The following NRG1 variants were observed in gnomAD, a reference collection of about 807,000 sequenced individuals.
NRG1 encodes the protein pro-neuregulin-1, membrane-bound isoform.
NRG1 carries 18 observed loss-of-function variants against 63.8 expected under a neutral mutation model. The ratio of observed to expected loss-of-function variants is 0.28; its 90% CI spans 0.19 to 0.42. The LOEUF (loss-of-function observed/expected upper bound fraction) is 0.42, where lower values mean the gene tolerates loss of function less well. Ranked by LOEUF, NRG1 falls within the 10% of genes least tolerant of loss-of-function variation. NRG1 has a pLI of 1.00. For missense variants in NRG1, 762 were observed against 814.7 expected, an observed-to-expected ratio of 0.94 and a Z score of 0.79; for synonymous variants, 302 against 301.3, an observed-to-expected ratio of 1.00 and a Z score of -0.02.
chr8:32,059,595 C>T (rs1033919148), intron 1 of NRG1, among the ~76,000 whole-genome samples: 7 of 152,064 alleles, frequency 4.6e-5, no homozygotes, highest in Non-Finnish European at 7.4e-5. Flanking sequence ...GTTTTCCTTT[C>T]GAAATTTGAA....
Position 32,698,470 on chromosome 8 carries a change from G to A in NRG1, c.503-29479G>A, listed in dbSNP as rs1045390913. ...AATGTGCCCACATTTCAGCGAGGGC[G>A]TTTTAAGACATAAGCACAGCATTAA... On this transcript the variant is annotated intron_variant, in intron 5 of 11. Transcript: ENST00000356819. 9.8e-5 allele frequency among the ~76,000 whole-genome samples: 15 copies of A among 152,308 alleles called. No individual in the cohort carries two copies. The East Asian group carries it at 1.2e-3, about 12-fold the overall frequency.
intron 1 of NRG1, among the ~76,000 whole-genome samples, chr8:32,157,915 C>G (rs1838321308): frequency 6.6e-6 from 1 of 152,018 alleles, no homozygotes; most frequent in South Asian, 2.1e-4. Context: ...GCTTCTTTCT[C>G]AAAGATTGAT....
At chr8:32,185,636 G>C (rs1423347268) in intron 1 of NRG1, among the ~76,000 whole-genome samples, 1 of 152,146 alleles carries the variant, frequency 6.6e-6, no homozygotes, top group Non-Finnish European at 1.5e-5. Flanking sequence ...GAATAATAGA[G>C]AGTGAAGCTG....
rs1805311904 is a variant in NRG1, at chr8:32,349,420, A to C, written c.38-246408A>C. Among the ~76,000 whole-genome samples, 4 of 152,184 alleles carry C rather than the reference A, an allele frequency of 2.6e-5. 1 individual carries two copies. In the South Asian group the frequency reaches 8.3e-4, roughly 32 times the overall value. On this transcript the variant is annotated intron_variant, in intron 1 of 10. Transcript: ENST00000519301. Reference sequence around the variant, plus strand: ...TGTTGTTTGGACAGACTGAAAAGAGAACAACCAATAGGAGAAGTGGTACAC... The same window carrying C: ...TGTTGTTTGGACAGACTGAAAAGAGCACAACCAATAGGAGAAGTGGTACAC...
chr8:32,552,260 G>C (rs899894036), intron 1 of NRG1, among the ~76,000 whole-genome samples: 5 of 146,098 alleles, frequency 3.4e-5, no homozygotes, highest in Non-Finnish European at 7.5e-5. Context: ...TTGACTCTAA[G>C]CTTCCTTTGT....
At chr8:31,904,830 T>C (rs1832389980) in intron 1 of NRG1, among the ~76,000 whole-genome samples, 1 of 151,760 alleles carries the variant, frequency 6.6e-6, no homozygotes, top group South Asian at 2.1e-4. Context: ...AAACACTGAG[T>C]ACACCTGGAT....
chr8:32,592,527 G>T (rs879334005), intron 1 of NRG1, among the ~76,000 whole-genome samples: 2 of 151,848 alleles, frequency 1.3e-5, no homozygotes. Context: ...TGAATTTGTC[G>T]TATTGTTTCC....
intron 1 of NRG1, among the ~76,000 whole-genome samples, chr8:31,644,970 C>T (rs1475066654): frequency 6.6e-6 from 1 of 152,214 alleles, no homozygotes; most frequent in Middle Eastern, 3.4e-3. Context: ...AGGGTTCTTA[C>T]TGATTCAAGC....
chr8:32,477,090 A>G (rs1824616535), intron 1 of NRG1, among the ~76,000 whole-genome samples: 1 of 152,220 alleles, frequency 6.6e-6, no homozygotes, highest in South Asian at 2.1e-4. Context: ...ATTGATGATT[A>G]TGGAAGCAGA....
chr8:31,727,085 T>C (rs1813525577), intron 1 of NRG1, among the ~76,000 whole-genome samples: 1 of 152,132 alleles, frequency 6.6e-6, no homozygotes, highest in African/African-American at 2.4e-5. Flanking sequence ...TATTTATCTG[T>C]TTCTTAAACA....
exon 1 of NRG1, chr8:32,548,706 G>T: frequency 2.6e-6 from 4 of 1,564,390 alleles, no homozygotes; most frequent in Non-Finnish European, 3.5e-6. Context: ...CGTCCGCGTA[G>T]AGCGCTCCGT....
chr8:32,550,406 C>G (rs1164201108), intron 1 of NRG1, among the ~76,000 whole-genome samples: 1 of 152,118 alleles, frequency 6.6e-6, no homozygotes, highest in Non-Finnish European at 1.5e-5. Flanking sequence ...AGACCTAGCT[C>G]AAATCGTTGT....
chr8:31,739,830 G>A lies in NRG1; in HGVS notation c.37+100399G>A, dbSNP rs113284402. Among the ~76,000 whole-genome samples, 115 of 152,046 alleles carry A rather than the reference G, an allele frequency of 7.6e-4. 1 individual carries two copies. Among genetic ancestry groups the A allele is most frequent in the African/African-American group, 2.7e-3 (113 of 41,502 alleles). ...TCTTTATAAAACTGCTAGAAAAGAA[G>A]CCAGCTAGTATTTTGAATAAAAGAG... On this transcript the variant is annotated intron_variant, in intron 1 of 10. Coordinates refer to the NRG1 transcript ENST00000519301.
intron 1 of NRG1, among the ~76,000 whole-genome samples, chr8:31,944,763 G>A (rs1358311414): frequency 2.0e-5 from 3 of 152,122 alleles, no homozygotes; most frequent in African/African-American, 4.8e-5. Context: ...TCAGTAATCC[G>A]CATGCAATTA....
At chr8:32,128,370 C>T (rs1371584937) in intron 1 of NRG1, among the ~76,000 whole-genome samples, 1 of 151,940 alleles carries the variant, frequency 6.6e-6, no homozygotes, top group Non-Finnish European at 1.5e-5. Context: ...GGAGTGCACA[C>T]ATGGCAGGAA....
At chr8:32,141,175 G>A (rs1836200499) in intron 1 of NRG1, among the ~76,000 whole-genome samples, 1 of 152,060 alleles carries the variant, frequency 6.6e-6, no homozygotes, top group Admixed American at 6.6e-5. Context: ...TCTGGTAAAT[G>A]AATAAAAGAG....
chr8:31,738,989 T>G (rs1276396707), intron 1 of NRG1, among the ~76,000 whole-genome samples: 2 of 152,082 alleles, frequency 1.3e-5, no homozygotes, highest in African/African-American at 4.8e-5. Flanking sequence ...TTAACACACC[T>G]CCTTTGGGGG....
At chr8:32,412,849 T>C (rs1563429578) in intron 1 of NRG1, among the ~76,000 whole-genome samples, 1 of 152,188 alleles carries the variant, frequency 6.6e-6, no homozygotes, top group Non-Finnish European at 1.5e-5. Flanking sequence ...GTAACCAAAA[T>C]GTCATTATGC....
chr8:32,249,428 A>G (rs1027780332), intron 1 of NRG1, among the ~76,000 whole-genome samples: 1 of 152,148 alleles, frequency 6.6e-6, no homozygotes, highest in Non-Finnish European at 1.5e-5. Context: ...ACTGTTTCAT[A>G]TCAAAGAGCT....
Sources: gnomAD v4.1 joint callset for allele counts (sites outside exome capture counted in the v4.1 genomes callset) on GRCh38, gnomAD v4.1.1 for gene constraint, MANE v1.5 for transcripts, NCBI Gene and HGNC (gene_info 2026-07-23, HGNC 2026-07-21) for gene names.